The following ADARB2 variants were observed in gnomAD, a reference collection of about 807,000 sequenced individuals.
ADARB2 encodes adenosine deaminase RNA specific B2 (inactive).
Under a neutral mutation model 62.2 loss-of-function variants are expected in ADARB2, and 25 were observed. That is an observed-to-expected ratio of 0.40 (90% CI 0.29 to 0.56). The LOEUF is 0.56. ADARB2 is among the 20% of genes least tolerant of loss of function. The pLI is 0.43. For synonymous variants in ADARB2, 572 were observed against 500.8 expected (o/e 1.14, Z -1.90); for missense variants, 1,071 against 1,077.4 (o/e 0.99, Z 0.08).
Position 1,183,338 on chromosome 10 carries a change from G to A in ADARB2, c.2075C>T (p.Thr692Met), listed in dbSNP as rs367615505. 43 of 1,614,144 alleles carry A rather than the reference G, an allele frequency of 2.7e-5. No homozygotes were observed. The highest frequency in any genetic ancestry group is 2.0e-4 in the African/African-American group (15 of 75,058). Residue 692 changes from threonine (T) to methionine (M), a missense_variant, in exon 10 of 10, where the codon ACG becomes ATG. Coordinates refer to ENST00000381312, the MANE Select transcript of ADARB2 (RefSeq NM_018702.4). ...CTTGGCCTCACAGTACATGGAGGGC[G>A]TGTCTCCAGGGCTGGGTGTCCGTGT... Reference protein sequence around the residue: ...LSTRTPSPGDTPSMYCEAKLG... With the variant: ...LSTRTPSPGDMPSMYCEAKLG...
Position 1,477,781 on chromosome 10 carries a change from C to G in ADARB2, c.101-98621G>C, listed in dbSNP as rs1588272014. Among the ~76,000 whole-genome samples, 1 of 152,350 alleles carries G rather than the reference C, an allele frequency of 6.6e-6. No individual in the cohort carries two copies. Among genetic ancestry groups the G allele is most frequent in the African/African-American group, 2.4e-5 (1 of 41,576 alleles). ...GACCACAGCCACGTGTTATTTCATG[C>G]TATGTTTAAATCTAACTTGGGACTT... On this transcript the variant is annotated intron_variant, in intron 1 of 9. Transcript: ENST00000381312. This position sits in a 1 kb window ranked among gnomAD's most constrained non-coding sequence, Gnocchi z 4.5.
chr10:1,733,741 C>A (rs1317816390), intron 1 of ADARB2, among the ~76,000 whole-genome samples: 1 of 152,096 alleles, frequency 6.6e-6, no homozygotes, highest in Non-Finnish European at 1.5e-5. Context: ...CTCTATATAA[C>A]CACATAATAT....
intron 3 of ADARB2, among the ~76,000 whole-genome samples, chr10:1,298,813 C>T (rs549540287): frequency 2.2e-5 from 3 of 138,176 alleles, no homozygotes; most frequent in East Asian, 4.3e-4. Flanking sequence ...ACTCTTGGCT[C>T]ACTGCAGCCT....
intron 1 of ADARB2, among the ~76,000 whole-genome samples, chr10:1,633,323 T>G (rs1288755728): frequency 3.9e-5 from 6 of 152,088 alleles, no homozygotes; most frequent in Admixed American, 6.6e-5. Context: ...AATCAAAAAA[T>G]CCAAAATCCG....
At chr10:1,559,465 G>A (rs972907565) in intron 1 of ADARB2, among the ~76,000 whole-genome samples, 3 of 152,182 alleles carry the variant, frequency 2.0e-5, no homozygotes, top group Non-Finnish European at 2.9e-5. Flanking sequence ...CTGTGCCCCC[G>A]AGATAGGGGA....
intron 3 of ADARB2, among the ~76,000 whole-genome samples, chr10:1,348,487 ACT>A (rs137899165): frequency 0.011 from 1,668 of 151,970 alleles, 33 homozygotes; most frequent in African/African-American, 0.038. Context: ...GTTGGCCCAG[ACT>A]CTGTCTGGAG....
At chr10:1,369,944 G>A (rs1257315312) in intron 2 of ADARB2, among the ~76,000 whole-genome samples, 4 of 152,248 alleles carry the variant, frequency 2.6e-5, no homozygotes, top group African/African-American at 9.6e-5. Flanking sequence ...GGTGCTGGCA[G>A]TGTGACCTGG....
intron 1 of ADARB2, among the ~76,000 whole-genome samples, chr10:1,551,962 C>A (rs1018378957): frequency 6.6e-6 from 1 of 152,222 alleles, no homozygotes; most frequent in Admixed American, 6.5e-5. Flanking sequence ...AGCGTGGCCA[C>A]CCCAGGGGGG....
Position 1,363,244 on chromosome 10 carries a change from G to GCTA in ADARB2, c.860_861insTAG (p.Arg287_Ala288insSer). 7.3e-7 allele frequency: 1 copy of GCTA among 1,361,844 alleles called. No individual in the cohort carries two copies. Among genetic ancestry groups the GCTA allele is most frequent in the Non-Finnish European group, 9.5e-7 (1 of 1,053,418 alleles). The allele number at this position is 1,361,844 out of a possible 1,614,324, so 84.4% of individuals were successfully genotyped here. ...CCAGACACACGTAGCGCAGCCCGGC[G>GCTA]CGCAGGCGGTTCAGCAGCACCACGG... On this transcript the variant is annotated inframe_insertion, in exon 3 of 10. Transcript: ENST00000381312.
chr10:1,677,004 T>G (rs536353808), intron 1 of ADARB2, among the ~76,000 whole-genome samples: 1 of 152,330 alleles, frequency 6.6e-6, no homozygotes, highest in Non-Finnish European at 1.5e-5. Context: ...CTGCCTGTTC[T>G]GGAAAACAAG....
rs568456784 is a variant in ADARB2 at position 1,254,585 on chromosome 10, C to T, written c.1193-12286G>A. ...AGGTTCCTGAAAATCTGTTTTTAGG[C>T]AATGTTTTCAGGTTATTCTTATGGT... On this transcript the variant is annotated intron_variant, in intron 4 of 9. Transcript: ENST00000381312. Among the ~76,000 whole-genome samples, 5 of 152,234 alleles carry T rather than the reference C, an allele frequency of 3.3e-5. 1 individual carries two copies. In the South Asian group the frequency reaches 1.0e-3, roughly 32 times the overall value.
intron 3 of ADARB2, among the ~76,000 whole-genome samples, chr10:1,276,480 T>C (rs1288192322): frequency 2.0e-5 from 3 of 152,184 alleles, no homozygotes; most frequent in Non-Finnish European, 4.4e-5. Flanking sequence ...CTGATGGTAG[T>C]TTCTTTTGCT....
At chr10:1,228,370 C>CA (rs1830766788) in intron 6 of ADARB2, among the ~76,000 whole-genome samples, 3 of 152,166 alleles carry the variant, frequency 2.0e-5, no homozygotes, top group African/African-American at 4.8e-5. Flanking sequence ...GCTGCTCAAC[C>CA]ACAGTGAAGT....
intron 3 of ADARB2, among the ~76,000 whole-genome samples, chr10:1,304,911 A>G (rs1361260458): frequency 2.2e-5 from 3 of 137,330 alleles, no homozygotes; most frequent in African/African-American, 7.8e-5. Flanking sequence ...CTAAATGCCC[A>G]CAAGAGAAAG....
intron 1 of ADARB2, among the ~76,000 whole-genome samples, chr10:1,450,836 C>T (rs1428571074): frequency 1.3e-5 from 2 of 152,170 alleles, no homozygotes; most frequent in East Asian, 3.9e-4. Context: ...TGTTATCTGC[C>T]ACCTGACCCT....
chr10:1,540,520 ACTCAGACGTAGTTCAGACCC>A (rs1832406185), intron 1 of ADARB2, among the ~76,000 whole-genome samples: 3 of 112,682 alleles, frequency 2.7e-5, no homozygotes, highest in Admixed American at 1.9e-4. Context: ...CCCAGACCCC[ACTCAGACGTAGTTCAGACCC>A]TGGATCACAG....
chr10:1,630,362 G>C (rs145349798), intron 1 of ADARB2, among the ~76,000 whole-genome samples: 3 of 152,120 alleles, frequency 2.0e-5, no homozygotes, highest in Non-Finnish European at 4.4e-5. Flanking sequence ...GGCATAAAGG[G>C]GTGGGGAGGG....
intron 1 of ADARB2, among the ~76,000 whole-genome samples, chr10:1,647,086 A>G (rs1834052079): frequency 6.6e-6 from 1 of 152,386 alleles, no homozygotes; most frequent in South Asian, 2.1e-4. Context: ...GTTATTCATT[A>G]CAGTGCCTGC....
intron 3 of ADARB2, among the ~76,000 whole-genome samples, chr10:1,327,359 G>T (rs78696205): frequency 0.43 from 2,140 of 4,944 alleles, 779 homozygotes; most frequent in Middle Eastern, 0.5. Flanking sequence ...GCCTCCTCAC[G>T]GCCCAGCGCC....
Sources: gnomAD v4.1 joint callset for allele counts (sites outside exome capture counted in the v4.1 genomes callset) on GRCh38, gnomAD v4.1.1 for gene constraint, Gnocchi (gnomAD v3.1) non-coding constraint, MANE v1.5 for transcripts, NCBI Gene and HGNC (gene_info 2026-07-23, HGNC 2026-07-21) for gene names.